KCNK10: variants seen among roughly 807,000 people sequenced by gnomAD.
KCNK10 encodes potassium channel subfamily K member 10.
KCNK10 carries 25 observed loss-of-function variants against 47.7 expected under a neutral mutation model. The ratio of observed to expected loss-of-function variants is 0.52; its 90% CI spans 0.38 to 0.73. The LOEUF is 0.73. KCNK10 is among the 30% of genes least tolerant of loss of function. KCNK10 has a pLI of 0.00. For synonymous variants in KCNK10, 303 were observed against 285.6 expected (o/e 1.06, Z -0.61); for missense variants, 563 against 714.5 (o/e 0.79, Z 2.42).
chr14:88,204,441 G>C (rs1030562950), intron 4 of KCNK10, among the ~76,000 whole-genome samples: 5 of 152,160 alleles, frequency 3.3e-5, no homozygotes, highest in Non-Finnish European at 7.4e-5. Context: ...CAGTGGGAGA[G>C]CTGTAAGGAC....
chr14:88,237,894 A>C (rs1886341142), intron 3 of KCNK10, among the ~76,000 whole-genome samples: 1 of 152,210 alleles, frequency 6.6e-6, no homozygotes, highest in African/African-American at 2.4e-5. Context: ...ATAGCCCCTA[A>C]CAAAAGAGTC....
intron 1 of KCNK10, among the ~76,000 whole-genome samples, chr14:88,265,093 G>A (rs1052276404): frequency 9.2e-5 from 14 of 152,172 alleles, no homozygotes; most frequent in African/African-American, 3.4e-4. Context: ...TCCTGCTTCT[G>A]AGCCAGAAAT....
intron 1 of KCNK10, among the ~76,000 whole-genome samples, chr14:88,266,459 C>A (rs1372931816): frequency 6.6e-6 from 1 of 152,162 alleles, no homozygotes; most frequent in Non-Finnish European, 1.5e-5. Context: ...CCAGGCAGGC[C>A]CAGCGTGCTG....
chr14:88,324,395 C>T (rs1888619855), upstream of KCNK10, among the ~76,000 whole-genome samples: 1 of 152,166 alleles, frequency 6.6e-6, no homozygotes, highest in Non-Finnish European at 1.5e-5. Context: ...GAGCCTTACA[C>T]GTAGTAGGTG....
intron 1 of KCNK10, chr14:88,270,752 C>G (rs373648441): frequency 1.3e-6 from 1 of 780,980 alleles, no homozygotes; most frequent in African/African-American, 1.7e-5. Flanking sequence ...ATCACTGCGA[C>G]AGCCTTCAGT....
At chr14:88,270,815 ACT>A (rs777859574) in intron 1 of KCNK10, 4 of 780,762 alleles carry the variant, frequency 5.1e-6, no homozygotes, top group Non-Finnish European at 9.6e-6. Context: ...ATGGTGTGTC[ACT>A]CTCTCAGGTG....
chr14:88,271,351 A>G (rs557238795), intron 1 of KCNK10, among the ~76,000 whole-genome samples: 19 of 152,318 alleles, frequency 1.2e-4, no homozygotes, highest in African/African-American at 4.3e-4. Context: ...CTTTGACTGC[A>G]GAGTTAATCC....
chr14:88,278,339 C>A (rs1344786694), intron 1 of KCNK10, among the ~76,000 whole-genome samples: 1 of 152,196 alleles, frequency 6.6e-6, no homozygotes, highest in African/African-American at 2.4e-5. Flanking sequence ...AGAATCAAAT[C>A]TATTACCAAA....
Position 88,239,384 on chromosome 14 carries a change from T to A in KCNK10, c.520+1319A>T, listed in dbSNP as rs574979728. ...ATAGCTGAGTGCCAAGAGTTATCAT[T>A]TAAAGCTGGCAAATCATATAAGAGA... is the stretch of plus-strand genomic sequence containing the variant. On this transcript the variant is annotated intron_variant, in intron 3 of 6. Coordinates refer to ENST00000319231, the MANE Select transcript of KCNK10 (RefSeq NM_138317.3). Among the ~76,000 whole-genome samples, 3 of 152,274 alleles carry A rather than the reference T, an allele frequency of 2.0e-5. No individual in the cohort carries two copies. In the South Asian group the frequency reaches 6.2e-4, roughly 32 times the overall value.
chr14:88,209,125 T>G (rs946758097), intron 4 of KCNK10, among the ~76,000 whole-genome samples: 17 of 152,198 alleles, frequency 1.1e-4, no homozygotes, highest in African/African-American at 3.9e-4. Flanking sequence ...GTAAAACCCA[T>G]CTTCCGAGGA....
chr14:88,247,140 G>A (rs549835919), intron 2 of KCNK10, among the ~76,000 whole-genome samples: 54 of 152,266 alleles, frequency 3.5e-4, no homozygotes, highest in Non-Finnish European at 4.7e-4. Flanking sequence ...CTCTGCAAAG[G>A]CGCTTCTCTC....
chr14:88,235,505 G>C (rs908523528), intron 3 of KCNK10, among the ~76,000 whole-genome samples: 4 of 152,030 alleles, frequency 2.6e-5, no homozygotes, highest in Non-Finnish European at 4.4e-5. Flanking sequence ...TGGAAAAATG[G>C]AACAACAAGT....
At chr14:88,222,516 A>C (rs768630205) in intron 4 of KCNK10, among the ~76,000 whole-genome samples, 49 of 152,300 alleles carry the variant, frequency 3.2e-4, no homozygotes, top group Non-Finnish European at 3.8e-4. Context: ...CTACAACACC[A>C]AGAGTGAACC....
chr14:88,227,902 G>A (rs1470822617), intron 3 of KCNK10, among the ~76,000 whole-genome samples: 1 of 152,184 alleles, frequency 6.6e-6, no homozygotes, highest in African/African-American at 2.4e-5. Context: ...GCACTTATTA[G>A]ATTTGACAAG....
intron 3 of KCNK10, among the ~76,000 whole-genome samples, chr14:88,239,784 G>A (rs184429454): frequency 2.4e-3 from 364 of 152,076 alleles, no homozygotes; most frequent in African/African-American, 6.2e-3. Context: ...ACTTGAACCC[G>A]TGAGGCGGAG....
chr14:88,203,455 G>A (rs56394015), intron 4 of KCNK10, among the ~76,000 whole-genome samples: 28,412 of 152,222 alleles, frequency 0.19, 2,978 homozygotes, highest in East Asian at 0.42. Context: ...CCTCGAGGCA[G>A]GTCAAGGACA....
intron 4 of KCNK10, among the ~76,000 whole-genome samples, chr14:88,227,080 T>G (rs1886009837): frequency 2.0e-5 from 3 of 152,242 alleles, no homozygotes; most frequent in Non-Finnish European, 2.9e-5. Context: ...TCTTCCATCT[T>G]GAAGGAGAAA....
chr14:88,292,169 T>C (rs952844551), intron 1 of KCNK10, among the ~76,000 whole-genome samples: 70 of 152,224 alleles, frequency 4.6e-4, no homozygotes, highest in African/African-American at 1.3e-3. Flanking sequence ...CTAGTCACCT[T>C]CTCCCTGCCC....
intron 1 of KCNK10, among the ~76,000 whole-genome samples, chr14:88,301,943 G>A (rs1005928933): frequency 2.0e-5 from 3 of 152,156 alleles, no homozygotes; most frequent in African/African-American, 7.2e-5. Context: ...CAATTATTGG[G>A]AGCAAGGGTA....
Sources: gnomAD v4.1 joint callset for allele counts (sites outside exome capture counted in the v4.1 genomes callset) on GRCh38, gnomAD v4.1.1 for gene constraint, MANE v1.5 for transcripts, NCBI Gene and HGNC (gene_info 2026-07-23, HGNC 2026-07-21) for gene names.